Variants in ALG5 observed in about 807,000 individuals in gnomAD.
ALG5 encodes dolichyl-phosphate beta-glucosyltransferase.
A neutral mutation model predicts 51.8 loss-of-function variants in ALG5; 26 were observed. The observed-to-expected ratio is 0.50, with a 90% confidence interval of 0.37 to 0.70. The LOEUF (loss-of-function observed/expected upper bound fraction) is 0.70, where lower values mean the gene tolerates loss of function less well. ALG5 is among the 30% of genes least tolerant of loss of function. The pLI is 0.00. For missense variants in ALG5, 311 were observed against 399.3 expected (o/e 0.78, Z 1.88); for synonymous variants, 141 against 136.1 (o/e 1.04, Z -0.25).
chr13:36,958,091 G>A (rs972294233), intron 8 of ALG5, among the ~76,000 whole-genome samples: 11 of 151,964 alleles, frequency 7.2e-5, no homozygotes, highest in Admixed American at 3.9e-4. Context: ...CTCTTTAAGC[G>A]ACAACCGTGA....
intron 8 of ALG5, among the ~76,000 whole-genome samples, chr13:36,961,359 G>A (rs1015798304): frequency 4.6e-5 from 7 of 152,138 alleles, no homozygotes; most frequent in Non-Finnish European, 1.0e-4. Context: ...AGGCTGCAGT[G>A]AGCCATGTTC....
Position 36,981,368 on chromosome 13 carries a change from T to C in ALG5, c.561+4259A>G, listed in dbSNP as rs144623066. Among the ~76,000 whole-genome samples the C allele has an allele frequency of 4.5e-3, 682 of 152,316 alleles. 6 individuals are homozygous for C. The highest frequency in any genetic ancestry group is 0.015 in the African/African-American group (626 of 41,562). Reference sequence around the variant, plus strand: ...GCCATCTAGTGAGACAGTCACGTAATTATAGGACTTGACTACAAAACCCAC... The same window carrying C: ...GCCATCTAGTGAGACAGTCACGTAACTATAGGACTTGACTACAAAACCCAC... On this transcript the variant is annotated intron_variant, in intron 6 of 9. Coordinates refer to ENST00000239891, the MANE Select transcript of ALG5 (RefSeq NM_013338.5).
chr13:36,970,547 C>T (rs1593667875), intron 7 of ALG5, among the ~76,000 whole-genome samples: 2 of 151,856 alleles, frequency 1.3e-5, no homozygotes, highest in African/African-American at 4.8e-5. Context: ...TTGCAGTAAG[C>T]CGAGATTGCG....
rs766857143 is a variant in ALG5 at position 36,949,936 on chromosome 13, A to T, written c.*6T>A. 3 of 1,597,012 alleles carry T rather than the reference A, an allele frequency of 1.9e-6. No homozygotes were observed. In the East Asian group the frequency reaches 6.7e-5, roughly 36 times the overall value. On this transcript the variant is annotated 3_prime_UTR_variant, in exon 10 of 10. Coordinates refer to ENST00000239891, the MANE Select transcript of ALG5 (RefSeq NM_013338.5). ...CATAAGAACACAACTGAAGACTGCA[A>T]ACAACCTAATTCATTTTCCGAGTTT...
rs765898624 is a variant in ALG5 at position 36,950,078 on chromosome 13, A to G, written c.860-21T>C. The G allele has an allele frequency of 6.9e-6, 10 of 1,444,772 alleles. No individual in the cohort carries two copies. In the South Asian group the frequency reaches 1.1e-4, roughly 15 times the overall value. 89.5% of individuals were successfully genotyped at this position (1,444,772 alleles called of 1,614,324 possible). A position where few individuals can be genotyped will look rare whatever the true frequency, so the allele number is the denominator to read the frequency against. ...AGAACCTGTGATTTAAAAATAATTA[A>G]AAACAAATTAGCTTAAATAAACTCA... On this transcript the variant is annotated intron_variant, in intron 9 of 9. Coordinates refer to ENST00000239891, the MANE Select transcript of ALG5 (RefSeq NM_013338.5).
At chr13:36,976,137 G>T (rs2058949285) in intron 6 of ALG5, among the ~76,000 whole-genome samples, 1 of 151,762 alleles carries the variant, frequency 6.6e-6, no homozygotes, top group African/African-American at 2.4e-5. Flanking sequence ...TTTCTTTAAA[G>T]AATTTTCTAG....
chr13:36,973,003 A>AAC (rs1215528695), intron 6 of ALG5, among the ~76,000 whole-genome samples: 1 of 151,572 alleles, frequency 6.6e-6, no homozygotes. Context: ...AAAAAAAAAA[A>AAC]AAAAAATCAA....
intron 7 of ALG5, among the ~76,000 whole-genome samples, chr13:36,967,515 GACC>G (rs1204957698): frequency 6.6e-6 from 1 of 152,116 alleles, no homozygotes; most frequent in Non-Finnish European, 1.5e-5. Context: ...TTACTCTCCT[GACC>G]ACAATTTTAC....
At chr13:36,951,878 G>A (rs113037117) in intron 9 of ALG5, among the ~76,000 whole-genome samples, 4,586 of 152,228 alleles carry the variant, frequency 0.03, 94 homozygotes, top group Non-Finnish European at 0.046. Context: ...TTTGCCTCTC[G>A]GGTTCAAGCA....
chr13:36,987,646 G>A (rs1301013333), intron 5 of ALG5, among the ~76,000 whole-genome samples: 5 of 152,154 alleles, frequency 3.3e-5, no homozygotes, highest in East Asian at 3.9e-4. Context: ...ATGCAGAACC[G>A]TCAATCAATC....
intron 7 of ALG5, among the ~76,000 whole-genome samples, chr13:36,969,743 C>G (rs1165170455): frequency 2.0e-5 from 3 of 151,994 alleles, no homozygotes; most frequent in Non-Finnish European, 4.4e-5. Flanking sequence ...CCATGTTGGC[C>G]AGGCTGGTCT....
At chr13:36,970,383 G>A (rs917212233) in intron 7 of ALG5, among the ~76,000 whole-genome samples, 4 of 151,900 alleles carry the variant, frequency 2.6e-5, no homozygotes, top group African/African-American at 4.8e-5. Context: ...GGAGGCCAAG[G>A]AGGGCAGATG....
chr13:36,972,995 A>AAG (rs2058933237), intron 6 of ALG5, among the ~76,000 whole-genome samples: 1 of 151,356 alleles, frequency 6.6e-6, no homozygotes. Flanking sequence ...CCGTCTCAAA[A>AAG]AAAAAAAAAA....
chr13:36,963,828 C>G (rs1266874182), intron 8 of ALG5, among the ~76,000 whole-genome samples: 1 of 152,096 alleles, frequency 6.6e-6, no homozygotes, highest in Admixed American at 6.6e-5. Context: ...TAAAAATGGA[C>G]ATATACTGGC....
chr13:36,955,405 CAA>C (rs1287202747), intron 8 of ALG5, among the ~76,000 whole-genome samples: 2 of 151,518 alleles, frequency 1.3e-5, no homozygotes, highest in East Asian at 1.9e-4. Flanking sequence ...AAGAAAATGA[CAA>C]AGTTTTAAAT....
chr13:36,985,469 A>G (rs1485442997), intron 6 of ALG5, among the ~76,000 whole-genome samples, 158 bp downstream of exon 6: 1 of 152,244 alleles, frequency 6.6e-6, no homozygotes, highest in Non-Finnish European at 1.5e-5. Flanking sequence ...TATTTGTAAC[A>G]AAATGATCAG....
intron 6 of ALG5, among the ~76,000 whole-genome samples, chr13:36,978,805 G>C (rs12865199): frequency 0.91 from 136,973 of 151,282 alleles, 62,180 homozygotes; most frequent in East Asian, 1. Context: ...AATCCCAGCT[G>C]TTTGGGAGGC....
chr13:36,995,364 C>G, intron 2 of ALG5, 61 bp downstream of exon 2: 1 of 1,531,834 alleles, frequency 6.5e-7, no homozygotes, highest in Non-Finnish European at 8.9e-7. Context: ...AAGTCAAATA[C>G]TTTAAATTTC....
intron 9 of ALG5, 79 bp from the exon 10 acceptor site, chr13:36,950,136 A>G (rs2058812024): frequency 7.0e-6 from 6 of 861,288 alleles, no homozygotes; most frequent in South Asian, 1.8e-5. Flanking sequence ...GTCAGTCTAC[A>G]TGATCGTTGT....
Sources: allele counts gnomAD v4.1 joint callset (sites outside exome capture counted in the v4.1 genomes callset), GRCh38; gene constraint gnomAD v4.1.1; transcripts MANE v1.5; gene names NCBI Gene and HGNC (gene_info 2026-07-23, HGNC 2026-07-21).